The following SAMD5 variants were observed in gnomAD, a reference collection of about 807,000 sequenced individuals.
SAMD5 encodes sterile alpha motif domain containing 5.
A neutral mutation model predicts 11.3 loss-of-function variants in SAMD5; 13 were observed. The observed-to-expected ratio is 1.15, with a 90% CI of 0.75 to 1.83. The LOEUF (loss-of-function observed/expected upper bound fraction) is 1.83. Among genes scored for constraint, SAMD5 ranks in the 40% most tolerant of loss-of-function variants. The probability of loss-of-function intolerance (pLI) is 0.00; values close to 1 mark genes in which losing one functional copy is unlikely to be tolerated. For synonymous variants in SAMD5, 129 were observed against 111.3 expected, an observed-to-expected ratio of 1.16 and a Z score of -1.00; for missense variants, 255 against 239.1, an observed-to-expected ratio of 1.07 and a Z score of -0.44.
intron 1 of SAMD5, among the ~76,000 whole-genome samples, chr6:147,710,283 A>G (rs1328428834): frequency 6.6e-6 from 1 of 152,196 alleles, no homozygotes; most frequent in East Asian, 1.9e-4. Context: ...TACTGTATTG[A>G]AAGTACACTT....
intron 1 of SAMD5, among the ~76,000 whole-genome samples, chr6:147,725,387 CTTT>C (rs10711772): frequency 0.03 from 3,566 of 119,180 alleles, 128 homozygotes; most frequent in African/African-American, 0.11. Flanking sequence ...ACTGACCTGG[CTTT>C]TTTTTTTTTT....
chr6:147,756,230 G>A, the SAMD5 span, among the ~76,000 whole-genome samples: 1 of 152,070 alleles, frequency 6.6e-6, no homozygotes, highest in East Asian at 1.9e-4. Flanking sequence ...AAGATTCCTT[G>A]AGTATTTGAC....
chr6:147,914,008 GTGA>G, the SAMD5 span, among the ~76,000 whole-genome samples: 1 of 152,124 alleles, frequency 6.6e-6, no homozygotes, highest in African/African-American at 2.4e-5. Context: ...GGAGAAATAG[GTGA>G]TTGCAGTGGA....
chr6:147,683,977 A>G (rs1790974453), intron 1 of SAMD5, among the ~76,000 whole-genome samples: 1 of 152,192 alleles, frequency 6.6e-6, no homozygotes, highest in Non-Finnish European at 1.5e-5. Context: ...AAAGCATAAG[A>G]GTCATTCAGA....
At chr6:147,606,044 C>A (rs116482800) in intron 1 of SAMD5, among the ~76,000 whole-genome samples, 2,486 of 152,122 alleles carry the variant, frequency 0.016, 66 homozygotes, top group African/African-American at 0.056. Flanking sequence ...GGAATTAGAT[C>A]GGTTCTGTTT....
chr6:147,736,082 T>C (rs1048375603), intron 1 of SAMD5, among the ~76,000 whole-genome samples: 3 of 152,188 alleles, frequency 2.0e-5, no homozygotes, highest in Non-Finnish European at 4.4e-5. Flanking sequence ...TGGAGGCAGG[T>C]TGGCTGTCTC....
chr6:147,620,143 G>T (rs976290183), intron 1 of SAMD5, among the ~76,000 whole-genome samples: 4 of 152,184 alleles, frequency 2.6e-5, no homozygotes, highest in African/African-American at 9.6e-5. Flanking sequence ...GCTTAGGGAA[G>T]CCCCGTGCGT....
intron 1 of SAMD5, among the ~76,000 whole-genome samples, chr6:147,686,264 A>C (rs1791009825): frequency 6.6e-6 from 1 of 152,156 alleles, no homozygotes. Context: ...ACTCTGTGGT[A>C]TCTCTCAATA....
the SAMD5 span, among the ~76,000 whole-genome samples, chr6:147,864,457 C>T: frequency 1.3e-5 from 2 of 152,184 alleles, no homozygotes; most frequent in African/African-American, 4.8e-5. Context: ...GAGCAGTGCT[C>T]CACACAGTAA....
At chr6:147,819,304 C>G in the SAMD5 span, among the ~76,000 whole-genome samples, 1 of 152,074 alleles carries the variant, frequency 6.6e-6, no homozygotes, top group African/African-American at 2.4e-5. Context: ...AAGAGGGGAA[C>G]AACACACACT....
the SAMD5 span, among the ~76,000 whole-genome samples, chr6:147,886,743 G>T: frequency 4.6e-5 from 7 of 152,168 alleles, no homozygotes; most frequent in African/African-American, 1.7e-4. Flanking sequence ...AGCCAATAAG[G>T]CTTCTCTGGA....
chr6:147,681,968 T>A (rs1329355995), intron 1 of SAMD5, among the ~76,000 whole-genome samples: 1 of 152,132 alleles, frequency 6.6e-6, no homozygotes, highest in Non-Finnish European at 1.5e-5. Flanking sequence ...GGTAGTTGGG[T>A]TAGTAACATA....
chr6:147,891,816 A>G, the SAMD5 span, among the ~76,000 whole-genome samples: 1 of 151,470 alleles, frequency 6.6e-6, no homozygotes, highest in Non-Finnish European at 1.5e-5. Flanking sequence ...GCTTGGCAGG[A>G]AAGCAGAGGT....
chr6:147,564,615 G>A lies in SAMD5; in HGVS notation c.*159G>A. 7.0e-7 allele frequency: 1 copy of A among 1,423,546 alleles called. No individual in the cohort carries two copies. The highest frequency in any genetic ancestry group is 1.5e-5 in the South Asian group (1 of 67,140). The allele number at this position is 1,423,546 out of a possible 1,614,324, so 88.2% of individuals were successfully genotyped here. A position where few individuals can be genotyped will look rare whatever the true frequency, so the allele number is the denominator to read the frequency against. ...GACAAATTCTGGAATAATCAACTTA[G>A]TAAACTGGGTAACTGGCTTATAACA... On this transcript the variant is annotated 3_prime_UTR_variant, in exon 2 of 2. Coordinates refer to ENST00000367474, the MANE Select transcript of SAMD5 (RefSeq NM_001030060.3).
chr6:147,766,118 C>A, the SAMD5 span, among the ~76,000 whole-genome samples: 57 of 122,026 alleles, frequency 4.7e-4, 3 homozygotes, highest in Non-Finnish European at 6.6e-4. Context: ...AAAAAAAACA[C>A]AAAAAAAGAA....
chr6:147,545,561 G>T (rs975345785), intron 1 of SAMD5, among the ~76,000 whole-genome samples: 1 of 152,104 alleles, frequency 6.6e-6, no homozygotes, highest in African/African-American at 2.4e-5. Flanking sequence ...TGCCTGATTT[G>T]GGGGCAGGGG....
At chr6:147,875,330 C>G in the SAMD5 span, among the ~76,000 whole-genome samples, 1 of 152,154 alleles carries the variant, frequency 6.6e-6, no homozygotes, top group Non-Finnish European at 1.5e-5. Flanking sequence ...CAATGGCCTG[C>G]ACCACTTAGA....
the SAMD5 span, among the ~76,000 whole-genome samples, chr6:147,936,397 AG>A: frequency 2.1e-5 from 3 of 141,732 alleles, no homozygotes; most frequent in East Asian, 6.5e-4. Context: ...CAGAAGGTGA[AG>A]GGGGAGCAGG....
chr6:147,874,758 T>C, the SAMD5 span, among the ~76,000 whole-genome samples: 142 of 151,520 alleles, frequency 9.4e-4, 1 homozygote, highest in African/African-American at 3.4e-3. Context: ...AGGGGCAGCA[T>C]GGAGATTTGG....
Sources: allele counts gnomAD v4.1 joint callset (sites outside exome capture counted in the v4.1 genomes callset), GRCh38; gene constraint gnomAD v4.1.1; transcripts MANE v1.5; gene names NCBI Gene and HGNC (gene_info 2026-07-23, HGNC 2026-07-21).